The following PLPP4 variants were observed in gnomAD, a reference collection of about 807,000 sequenced individuals.
The protein encoded by PLPP4 is diacylglycerol pyrophosphate like 2.
Under a neutral mutation model 32.2 loss-of-function variants are expected in PLPP4, and 20 were observed. The observed-to-expected ratio is 0.62, with a 90% CI of 0.44 to 0.90. The LOEUF (loss-of-function observed/expected upper bound fraction) is 0.90. Among genes scored for constraint, PLPP4 ranks in the 40% least tolerant of loss-of-function variants. The probability of loss-of-function intolerance (pLI) is 0.00; values close to 1 mark genes in which losing one functional copy is unlikely to be tolerated. For missense variants in PLPP4, 257 were observed against 353.1 expected (o/e 0.73, Z 2.18); for synonymous variants, 127 against 133.0 (o/e 0.95, Z 0.31).
intron 5 of PLPP4, among the ~76,000 whole-genome samples, chr10:120,543,290 G>A (rs1847442852): frequency 6.6e-6 from 1 of 152,210 alleles, no homozygotes; most frequent in African/African-American, 2.4e-5. Flanking sequence ...GATGTTGCCT[G>A]TGGATGGTAG....
At chr10:120,548,846 A>C (rs1204457334) in intron 5 of PLPP4, among the ~76,000 whole-genome samples, 1 of 151,840 alleles carries the variant, frequency 6.6e-6, no homozygotes, top group Admixed American at 6.6e-5. Flanking sequence ...GCATTTTTTC[A>C]TATGCTTTTT....
At chr10:120,572,221 C>T (rs1848976215) in intron 5 of PLPP4, among the ~76,000 whole-genome samples, 1 of 152,156 alleles carries the variant, frequency 6.6e-6, no homozygotes, top group African/African-American at 2.4e-5. Flanking sequence ...TGAGTTAGAG[C>T]CTGGGGTGCC....
At chr10:120,495,449 A>G (rs1297763212) in intron 1 of PLPP4, among the ~76,000 whole-genome samples, 3 of 152,136 alleles carry the variant, frequency 2.0e-5, no homozygotes, top group Non-Finnish European at 4.4e-5. Context: ...CCTTCCTGCC[A>G]AGAGTGGAGT....
chr10:120,504,927 A>AT (rs1845425893), intron 2 of PLPP4, among the ~76,000 whole-genome samples: 2 of 152,360 alleles, frequency 1.3e-5, no homozygotes, highest in South Asian at 4.1e-4. Context: ...TCTAGAATAA[A>AT]TGGGCAAGCA....
At chr10:120,474,765 G>A (rs188216258) in intron 1 of PLPP4, among the ~76,000 whole-genome samples, 2 of 152,272 alleles carry the variant, frequency 1.3e-5, no homozygotes, top group African/African-American at 4.8e-5. Context: ...AACAATGATA[G>A]TAATAACTAA....
chr10:120,567,446 T>G (rs1848741953), intron 5 of PLPP4, among the ~76,000 whole-genome samples: 1 of 152,224 alleles, frequency 6.6e-6, no homozygotes, highest in Non-Finnish European at 1.5e-5. Flanking sequence ...GTTATGCCTG[T>G]TGAGTGAATA....
intron 5 of PLPP4, among the ~76,000 whole-genome samples, chr10:120,571,453 G>A (rs1246567116): frequency 6.6e-6 from 1 of 152,060 alleles, no homozygotes; most frequent in Non-Finnish European, 1.5e-5. Flanking sequence ...CTTGTTCCAT[G>A]CTAGCACCCT....
At chr10:120,525,931 C>T (rs968320660) in intron 5 of PLPP4, among the ~76,000 whole-genome samples, 1 of 152,100 alleles carries the variant, frequency 6.6e-6, no homozygotes, top group Non-Finnish European at 1.5e-5. Flanking sequence ...GTTCTGCTAA[C>T]TCTGTAGGTC....
chr10:120,549,591 A>G (rs1847794635), intron 5 of PLPP4, among the ~76,000 whole-genome samples: 1 of 152,020 alleles, frequency 6.6e-6, no homozygotes, highest in South Asian at 2.1e-4. Flanking sequence ...CTATAGGCCA[A>G]TATTCCTCAT....
At chr10:120,539,545 G>A (rs1190742981) in intron 5 of PLPP4, among the ~76,000 whole-genome samples, 1 of 152,196 alleles carries the variant, frequency 6.6e-6, no homozygotes, top group Non-Finnish European at 1.5e-5. Flanking sequence ...CTACCTGGAA[G>A]CTTGAGGTGG....
At chr10:120,527,044 G>C (rs934445685) in intron 5 of PLPP4, among the ~76,000 whole-genome samples, 1 of 152,098 alleles carries the variant, frequency 6.6e-6, no homozygotes, top group Non-Finnish European at 1.5e-5. Flanking sequence ...TATTAGTGAG[G>C]GCTCTCTGGA....
intron 2 of PLPP4, among the ~76,000 whole-genome samples, chr10:120,511,771 A>T (rs536992037): frequency 3.3e-5 from 5 of 152,212 alleles, no homozygotes; most frequent in Admixed American, 6.5e-5. Context: ...AATCATCAGC[A>T]TCAGTACCAT....
intron 5 of PLPP4, among the ~76,000 whole-genome samples, chr10:120,538,022 C>CTT: frequency 1.8e-5 from 1 of 56,430 alleles, no homozygotes; most frequent in South Asian, 8.2e-4. Context: ...CTCTCTCTCT[C>CTT]TCTCTCTCTC....
In PLPP4 at chr10:120,509,815, C is replaced by T. The variant is rs544879749; in HGVS notation, c.166-4096C>T. Among the ~76,000 whole-genome samples, 5 of 152,338 alleles carry T rather than the reference C, an allele frequency of 3.3e-5. No individual in the cohort carries two copies. In the East Asian group the frequency reaches 9.7e-4, roughly 29 times the overall value. ...GATATGACAGCTGTCACTGAAATTT[C>T]TATGACTTATCTATGACCTGGAAAC... is the stretch of plus-strand genomic sequence containing the variant. On this transcript the variant is annotated intron_variant, in intron 2 of 6. Coordinates refer to ENST00000398250, the MANE Select transcript of PLPP4 (RefSeq NM_001030059.3).
At chr10:120,465,362 G>A (rs966432595) in intron 1 of PLPP4, among the ~76,000 whole-genome samples, 1 of 152,140 alleles carries the variant, frequency 6.6e-6, no homozygotes, top group African/African-American at 2.4e-5. Context: ...GAGGCTGAGA[G>A]GACCTGGGGC....
chr10:120,463,015 C>A (rs117691898), intron 1 of PLPP4, among the ~76,000 whole-genome samples: 1 of 121,834 alleles, frequency 8.2e-6, no homozygotes, highest in Non-Finnish European at 1.7e-5. Context: ...AAACAAGTTT[C>A]TTTCTTTTTT....
intron 5 of PLPP4, among the ~76,000 whole-genome samples, chr10:120,526,567 G>A (rs1417728334): frequency 1.3e-5 from 2 of 152,150 alleles, no homozygotes; most frequent in East Asian, 1.9e-4. Flanking sequence ...GCAGAAGGGC[G>A]TAGGTGCTCA....
At chr10:120,532,397 A>G (rs1013694926) in intron 5 of PLPP4, among the ~76,000 whole-genome samples, 8 of 152,188 alleles carry the variant, frequency 5.3e-5, no homozygotes, top group Non-Finnish European at 1.2e-4. Context: ...ATTGATTAGT[A>G]TAGCATTATA....
chr10:120,579,932 C>T (rs1220109545), intron 6 of PLPP4, among the ~76,000 whole-genome samples: 1 of 146,606 alleles, frequency 6.8e-6, no homozygotes, highest in Admixed American at 6.9e-5. Flanking sequence ...ATGGTGAAAC[C>T]CCGTCTCTAC....
Sources: allele counts gnomAD v4.1 joint callset (sites outside exome capture counted in the v4.1 genomes callset), GRCh38; gene constraint gnomAD v4.1.1; transcripts MANE v1.5; gene names NCBI Gene and HGNC (gene_info 2026-07-23, HGNC 2026-07-21).